SPOCK1: variants seen among roughly 807,000 people sequenced by gnomAD.
The protein encoded by SPOCK1 is SPARC (osteonectin), cwcv and kazal like domains proteoglycan 1.
Under a neutral mutation model 55.3 loss-of-function variants are expected in SPOCK1, and 23 were observed. That is an observed-to-expected ratio of 0.42 (90% CI 0.30 to 0.59). The LOEUF (loss-of-function observed/expected upper bound fraction) is 0.59. SPOCK1 is among the 20% of genes least tolerant of loss of function. The probability of loss-of-function intolerance (pLI) is 0.22; values close to 1 mark genes in which losing one functional copy is unlikely to be tolerated. For synonymous variants in SPOCK1, 226 were observed against 221.0 expected, an observed-to-expected ratio of 1.02 and a Z score of -0.20; for missense variants, 499 against 552.5, an observed-to-expected ratio of 0.90 and a Z score of 0.97.
intron 5 of SPOCK1, among the ~76,000 whole-genome samples, chr5:137,090,582 G>A (rs1753035185): frequency 6.6e-6 from 1 of 152,192 alleles, no homozygotes; most frequent in South Asian, 2.1e-4. Flanking sequence ...TCACCTCACA[G>A]CCAGGCATGG....
chr5:137,299,695 A>C (rs1757549924), intron 2 of SPOCK1, among the ~76,000 whole-genome samples: 1 of 152,078 alleles, frequency 6.6e-6, no homozygotes, highest in South Asian at 2.1e-4. Flanking sequence ...GTTCTAAATA[A>C]ATTTAAATTT....
intron 5 of SPOCK1, among the ~76,000 whole-genome samples, chr5:137,111,961 C>T (rs1351108226): frequency 6.6e-6 from 1 of 152,110 alleles, no homozygotes; most frequent in African/African-American, 2.4e-5. Context: ...AAGAACAGTG[C>T]CTTATTTGGG....
chr5:137,094,063 T>C (rs1024766028), intron 5 of SPOCK1, among the ~76,000 whole-genome samples: 19 of 152,122 alleles, frequency 1.2e-4, no homozygotes, highest in Admixed American at 3.9e-4. Context: ...AATCAGGATA[T>C]AGTTTAGAGT....
At chr5:136,985,063 A>G in intron 9 of SPOCK1, 77 bp downstream of exon 9, 1 of 1,384,042 alleles carries the variant, frequency 7.2e-7, no homozygotes. Flanking sequence ...TTGAATAACC[A>G]TTGCCATGCT....
chr5:137,038,892 T>C (rs1448014817), intron 6 of SPOCK1, among the ~76,000 whole-genome samples: 1 of 152,232 alleles, frequency 6.6e-6, no homozygotes, highest in Non-Finnish European at 1.5e-5. Flanking sequence ...TATTCATCAG[T>C]ATGTCCTACT....
chr5:137,250,576 A>G (rs1185037904), intron 3 of SPOCK1, among the ~76,000 whole-genome samples: 1 of 152,148 alleles, frequency 6.6e-6, no homozygotes, highest in African/African-American at 2.4e-5. Context: ...TCCCTCAGCT[A>G]CATCCTCCCC....
At chr5:137,429,760 C>A (rs751227196) in intron 2 of SPOCK1, among the ~76,000 whole-genome samples, 5 of 152,290 alleles carry the variant, frequency 3.3e-5, no homozygotes, top group Non-Finnish European at 5.9e-5. Flanking sequence ...TCACTGTAGA[C>A]CCAAGAGATC....
chr5:137,317,209 T>A (rs1453568792), intron 2 of SPOCK1, among the ~76,000 whole-genome samples: 1 of 152,160 alleles, frequency 6.6e-6, no homozygotes, highest in Non-Finnish European at 1.5e-5. Flanking sequence ...CAGTTTTCAC[T>A]ACAGCTAGAT....
chr5:137,105,124 G>A (rs975940353), intron 5 of SPOCK1, among the ~76,000 whole-genome samples: 1 of 152,162 alleles, frequency 6.6e-6, no homozygotes, highest in Non-Finnish European at 1.5e-5. Flanking sequence ...TGCACAGATG[G>A]GAACATCCAG....
intron 2 of SPOCK1, among the ~76,000 whole-genome samples, chr5:137,333,895 C>T (rs1334426133): frequency 1.3e-5 from 2 of 152,090 alleles, no homozygotes; most frequent in Non-Finnish European, 2.9e-5. Context: ...TCTACTACTA[C>T]TTAACAAAAA....
intron 3 of SPOCK1, among the ~76,000 whole-genome samples, chr5:137,185,972 A>G (rs1227384572): frequency 6.6e-6 from 1 of 152,232 alleles, no homozygotes; most frequent in African/African-American, 2.4e-5. Flanking sequence ...CAGAAGCGGG[A>G]AAGGCAGCGT....
chr5:137,137,625 C>A (rs1754012094), intron 4 of SPOCK1, among the ~76,000 whole-genome samples: 1 of 152,128 alleles, frequency 6.6e-6, no homozygotes. Context: ...AACCAGTGGG[C>A]CCAATTATCA....
At chr5:137,153,510 C>G (rs554639933) in intron 3 of SPOCK1, among the ~76,000 whole-genome samples, 27 of 152,188 alleles carry the variant, frequency 1.8e-4, no homozygotes, top group Non-Finnish European at 3.4e-4. Flanking sequence ...AAAGTCCTAG[C>G]TCTTAAGGAA....
chr5:137,166,441 A>C (rs1276489251), intron 3 of SPOCK1, among the ~76,000 whole-genome samples: 2 of 152,028 alleles, frequency 1.3e-5, no homozygotes, highest in African/African-American at 4.8e-5. Context: ...ATTAGAAAAA[A>C]AAAAAGACAT....
chr5:137,188,961 C>G (rs1397315234), intron 3 of SPOCK1, among the ~76,000 whole-genome samples: 1 of 152,210 alleles, frequency 6.6e-6, no homozygotes. Context: ...GAAAATCAAA[C>G]CAGTCAAAAC....
chr5:137,165,542 G>A (rs1754634039), intron 3 of SPOCK1, among the ~76,000 whole-genome samples: 1 of 152,114 alleles, frequency 6.6e-6, no homozygotes. Flanking sequence ...GATGATCCAG[G>A]AAAACACGAC....
chr5:137,219,082 A>C (rs1372451866), intron 3 of SPOCK1, among the ~76,000 whole-genome samples: 1 of 152,176 alleles, frequency 6.6e-6, no homozygotes, highest in East Asian at 1.9e-4. Flanking sequence ...CTCACCTGGA[A>C]TCTCTCCAAA....
intron 6 of SPOCK1, among the ~76,000 whole-genome samples, chr5:137,038,415 C>G (rs1412698406): frequency 6.6e-6 from 1 of 152,180 alleles, no homozygotes; most frequent in Non-Finnish European, 1.5e-5. Flanking sequence ...TCTTCTGCCC[C>G]TTTCCTCTTC....
intron 5 of SPOCK1, among the ~76,000 whole-genome samples, chr5:137,086,515 G>T (rs1259035707): frequency 6.6e-6 from 1 of 152,162 alleles, no homozygotes; most frequent in Non-Finnish European, 1.5e-5. Flanking sequence ...CCTCTAGGAG[G>T]CAGAGCATCG....
Sources: gnomAD v4.1 joint callset for allele counts (sites outside exome capture counted in the v4.1 genomes callset) on GRCh38, gnomAD v4.1.1 for gene constraint, MANE v1.5 for transcripts, NCBI Gene and HGNC (gene_info 2026-07-23, HGNC 2026-07-21) for gene names.